The following CDH23 variants were observed in gnomAD, a reference collection of about 807,000 sequenced individuals.
The protein encoded by CDH23 is cadherin-23.
CDH23 carries 189 observed loss-of-function variants against 317.1 expected under a neutral mutation model. The ratio of observed to expected loss-of-function variants is 0.60; its 90% CI spans 0.53 to 0.67. The LOEUF (loss-of-function observed/expected upper bound fraction) is 0.67. Ranked by LOEUF, CDH23 falls within the 30% of genes least tolerant of loss-of-function variation. CDH23 has a pLI of 0.00. For missense variants in CDH23, 4,401 were observed against 4,592.4 expected (o/e 0.96, Z 1.20); for synonymous variants, 1,839 against 1,876.8 (o/e 0.98, Z 0.52).
intron 11 of CDH23, among the ~76,000 whole-genome samples, chr10:71,637,829 G>A (rs1039307788): frequency 1.3e-5 from 2 of 150,064 alleles, no homozygotes; most frequent in Non-Finnish European, 3.0e-5. Flanking sequence ...TCTTGCCCCA[G>A]CATCCCCCTA....
At chr10:71,764,183 G>A (rs999674887) in intron 38 of CDH23, among the ~76,000 whole-genome samples, 4 of 152,216 alleles carry the variant, frequency 2.6e-5, no homozygotes, top group East Asian at 1.9e-4. Context: ...TTCAGGTAAC[G>A]CAGGATCTAG....
intron 11 of CDH23, among the ~76,000 whole-genome samples, chr10:71,639,012 G>A (rs751468371): frequency 1.3e-5 from 2 of 152,194 alleles, no homozygotes; most frequent in Non-Finnish European, 2.9e-5. Flanking sequence ...CACGGGGAGG[G>A]ACCGGCAGGG....
At chr10:71,582,458 T>G (rs1038221169) in intron 9 of CDH23, among the ~76,000 whole-genome samples, 7 of 152,334 alleles carry the variant, frequency 4.6e-5, no homozygotes, top group African/African-American at 1.7e-4. Flanking sequence ...TTATTAAAAT[T>G]AATGTTATCT....
At position 71,459,097 on chromosome 10, in the gene CDH23, T is replaced by TTTTTTC. The variant is rs1850845790; in HGVS notation, c.145+12707_145+12708insCTTTTT. ...CACCACACCTGGCCTTTTTTTTTTT[T>TTTTTTC]TTTTTTGTGAGATAGGGTCTTGCTC... On this transcript the variant is annotated intron_variant, in intron 3 of 69. Transcript: ENST00000224721. Among the ~76,000 whole-genome samples, 13 of 145,882 alleles carry TTTTTTC rather than the reference T, an allele frequency of 8.9e-5. 1 individual carries two copies. The South Asian group carries it at 3.0e-3, about 34-fold the overall frequency.
chr10:71,606,739 C>G (rs1860546338), intron 9 of CDH23, among the ~76,000 whole-genome samples: 1 of 151,954 alleles, frequency 6.6e-6, no homozygotes, highest in African/African-American at 2.4e-5. Flanking sequence ...GAGAGAGTGA[C>G]AGGGGTGAGG....
rs1055626455 is a variant in CDH23, at chr10:71,559,857, G to A, written c.430-6885G>A. 5.2e-4 allele frequency among the ~76,000 whole-genome samples: 79 copies of A among 152,314 alleles called. 1 individual carries two copies. Among genetic ancestry groups the A allele is most frequent in the African/African-American group, 1.8e-3 (73 of 41,558 alleles). On this transcript the variant is annotated intron_variant, in intron 6 of 69. Coordinates refer to ENST00000224721, the MANE Select transcript of CDH23 (RefSeq NM_022124.6). ...AGATGTCGTCAAATTATCGCTCCCCGATTCCTCCAGGCAGAGATGCCGGAG... is the reference window on the plus strand; with the variant it reads ...AGATGTCGTCAAATTATCGCTCCCCAATTCCTCCAGGCAGAGATGCCGGAG...
intron 48 of CDH23, chr10:71,796,201 G>A: frequency 1.6e-6 from 1 of 645,042 alleles, no homozygotes; most frequent in Non-Finnish European, 1.9e-6. Flanking sequence ...TCTCACTCTG[G>A]GATGAAGCCA....
chr10:71,778,207 A>G lies in CDH23; in HGVS notation c.5086A>G (p.Lys1696Glu). 6.2e-7 allele frequency: 1 copy of G among 1,613,786 alleles called. No individual in the cohort carries two copies. The highest frequency in any genetic ancestry group is 1.3e-5 in the African/African-American group (1 of 74,972). ...CCCCCAGGGTGTCATCACTGCTGCC[A>G]AAGAGCTGGACTACGAGATCAGCCA... ...DRHMGVITAAKELDYEISHGR... is the reference protein window; with the variant it reads ...DRHMGVITAAEELDYEISHGR... The change falls in exon 40 of 70, where the codon AAA becomes GAA. Residue 1696 changes from lysine (K) to glutamate (E), a missense_variant. By Grantham distance (56) the Lys-to-Glu change is moderately conservative (BLOSUM62 1). Around this residue, in one of 3 missense-constraint regions of CDH23, gnomAD observed 3,068 missense variants for 3,203.3 expected, o/e 0.96. Transcript: ENST00000224721.
intron 3 of CDH23, among the ~76,000 whole-genome samples, chr10:71,505,859 G>A (rs1248108125): frequency 2.6e-5 from 4 of 152,224 alleles, no homozygotes; most frequent in Non-Finnish European, 4.4e-5. Flanking sequence ...ATTACTGTAT[G>A]TTCCAGCAAT....
chr10:71,810,185 T>G, intron 61 of CDH23, 109 bp downstream of exon 61: 1 of 1,309,252 alleles, frequency 7.6e-7, no homozygotes, highest in Non-Finnish European at 1.1e-6. Flanking sequence ...TGAAAGGCAG[T>G]ATAGTCCCTA....
intron 38 of CDH23, chr10:71,762,156 T>A (rs1468011046): frequency 9.4e-7 from 1 of 1,059,216 alleles, no homozygotes; most frequent in African/African-American, 1.6e-5. Context: ...CTGACCTCCC[T>A]AAGACTGCCT....
At chr10:71,584,661 A>AT (rs1220081511) in intron 9 of CDH23, among the ~76,000 whole-genome samples, 3 of 152,066 alleles carry the variant, frequency 2.0e-5, no homozygotes, top group Admixed American at 1.3e-4. Flanking sequence ...GCCTCTGGCC[A>AT]TGGCCTAGTG....
At chr10:71,653,956 T>C (rs1481286330) in intron 14 of CDH23, among the ~76,000 whole-genome samples, 2 of 152,224 alleles carry the variant, frequency 1.3e-5, no homozygotes, top group Non-Finnish European at 2.9e-5. Flanking sequence ...TCTTGGTTCC[T>C]AGATTTTCTG....
At chr10:71,436,389 A>G (rs1849620880) in intron 1 of CDH23, among the ~76,000 whole-genome samples, 1 of 152,202 alleles carries the variant, frequency 6.6e-6, no homozygotes, top group Admixed American at 6.5e-5. Flanking sequence ...GCAGGCGCTC[A>G]CTTTTTGGCA....
In CDH23 at chr10:71,799,891, A is replaced by G. The variant is rs74359075; in HGVS notation, c.7362+262A>G. ...AGCCCTTTGTGGGACAACATCTGAG[A>G]TGTGTCCTCTCCACACTAAAAAAGC... On this transcript the variant is annotated intron_variant, in intron 52 of 69. Transcript: ENST00000224721. Among the ~76,000 whole-genome samples, 5,659 of 152,236 alleles carry G rather than the reference A, an allele frequency of 0.037. 351 individuals carry two copies. Among genetic ancestry groups the G allele is most frequent in the African/African-American group, 0.13 (5,394 of 41,512 alleles).
chr10:71,547,170 G>A (rs576015727), intron 6 of CDH23, among the ~76,000 whole-genome samples: 5 of 152,328 alleles, frequency 3.3e-5, no homozygotes, highest in African/African-American at 9.6e-5. Flanking sequence ...TGGGATTGGA[G>A]ACCCAGAGAA....
intron 9 of CDH23, among the ~76,000 whole-genome samples, chr10:71,599,144 T>G (rs765416764): frequency 3.3e-5 from 5 of 152,174 alleles, no homozygotes; most frequent in Non-Finnish European, 1.5e-5. Flanking sequence ...CACACCCCCA[T>G]GTATTCACCA....
chr10:71,475,841 T>C (rs1414026652), intron 3 of CDH23, among the ~76,000 whole-genome samples: 2 of 152,200 alleles, frequency 1.3e-5, no homozygotes, highest in East Asian at 3.9e-4. Flanking sequence ...GTCAGAAGCC[T>C]GCAGGCAGGT....
intron 1 of CDH23, among the ~76,000 whole-genome samples, chr10:71,437,813 T>C (rs1035141225): frequency 2.6e-5 from 4 of 152,232 alleles, no homozygotes; most frequent in African/African-American, 9.6e-5. Flanking sequence ...CCCTCTTGGC[T>C]GAAACACATC....
Sources: allele counts gnomAD v4.1 joint callset (sites outside exome capture counted in the v4.1 genomes callset), GRCh38; gene constraint gnomAD v4.1.1; regional missense constraint gnomAD v4.1.1; transcripts MANE v1.5; gene names NCBI Gene and HGNC (gene_info 2026-07-23, HGNC 2026-07-21).